RBBP5: variants seen among roughly 807,000 people sequenced by gnomAD.
RBBP5 encodes the protein RB binding protein 5, histone lysine methyltransferase complex subunit, also known as retinoblastoma-binding protein 5.
A neutral mutation model predicts 72.2 loss-of-function variants in RBBP5; 5 were observed. That is an observed-to-expected ratio of 0.07 (90% CI 0.04 to 0.15). The LOEUF (loss-of-function observed/expected upper bound fraction) is 0.15, where lower values mean the gene tolerates loss of function less well. RBBP5 is among the 10% of genes least tolerant of loss of function. The probability of loss-of-function intolerance (pLI) is 1.00; values close to 1 mark genes in which losing one functional copy is unlikely to be tolerated. For synonymous variants in RBBP5, 209 were observed against 237.2 expected (o/e 0.88, Z 1.09); for missense variants, 322 against 652.2 (o/e 0.49, Z 5.51).
At chr1:205,102,060 C>T (rs1293689105) in intron 5 of RBBP5, among the ~76,000 whole-genome samples, 1 of 152,094 alleles carries the variant, frequency 6.6e-6, no homozygotes, top group East Asian at 1.9e-4. Context: ...CGACGCCTGG[C>T]TAATTTTGTA....
intron 1 of RBBP5, among the ~76,000 whole-genome samples, chr1:205,120,935 A>G (rs1656713192): frequency 6.7e-6 from 1 of 148,784 alleles, no homozygotes; most frequent in African/African-American, 2.6e-5. Context: ...GCCTGCCTAC[A>G]TTCTGCAATA....
intron 1 of RBBP5, chr1:205,116,245 A>G: frequency 2.6e-6 from 1 of 386,400 alleles, no homozygotes; most frequent in South Asian, 2.2e-5. Context: ...TTTGAAAACA[A>G]AATAACTACT....
At chr1:205,113,684 G>GT (rs1656406712) in intron 3 of RBBP5, among the ~76,000 whole-genome samples, 1 of 88,494 alleles carries the variant, frequency 1.1e-5, no homozygotes, top group East Asian at 3.3e-4. Flanking sequence ...ATAAAAATGT[G>GT]TATTTTTTTT....
At chr1:205,097,224 A>T in intron 11 of RBBP5, 102 bp downstream of exon 11, 1 of 1,130,096 alleles carries the variant, frequency 8.8e-7, no homozygotes, top group South Asian at 1.4e-5. Flanking sequence ...TTTAGCTAAT[A>T]AGCAGACGGG....
intron 5 of RBBP5, among the ~76,000 whole-genome samples, chr1:205,102,722 G>A (rs1308112243): frequency 1.3e-5 from 2 of 152,072 alleles, no homozygotes; most frequent in Non-Finnish European, 2.9e-5. Flanking sequence ...GGCCAGGCGC[G>A]GTGGTTCACA....
At position 205,086,660 on chromosome 1, in the gene RBBP5, A is replaced by G. The variant is rs1366456045; in HGVS notation, c.*2127T>C. ...ATTGAAATGGATAGAAGGTTTTTTAAAAGTTGAAAAAAAAATTCCAAAAAC... is the reference window on the plus strand; with the variant it reads ...ATTGAAATGGATAGAAGGTTTTTTAGAAGTTGAAAAAAAAATTCCAAAAAC... On this transcript the variant is annotated 3_prime_UTR_variant, in exon 14 of 14. Coordinates refer to ENST00000264515, the MANE Select transcript of RBBP5 (RefSeq NM_005057.4). The G allele has an allele frequency of 2.0e-5, 3 of 152,208 alleles. No individual in the cohort carries two copies. The highest frequency in any genetic ancestry group is 7.2e-5 in the African/African-American group (3 of 41,444). The allele number at this position is 152,208 out of a possible 1,614,324, so 9.4% of individuals were successfully genotyped here.
chr1:205,100,423 A>C, intron 6 of RBBP5, 152 bp from the exon 7 acceptor site: 2 of 1,002,468 alleles, frequency 2.0e-6, no homozygotes, highest in Non-Finnish European at 2.8e-6. Flanking sequence ...AAACCAAAAT[A>C]CAATTTTAAG....
intron 3 of RBBP5, among the ~76,000 whole-genome samples, chr1:205,106,254 T>C (rs1183274737): frequency 6.6e-6 from 1 of 152,160 alleles, no homozygotes; most frequent in Admixed American, 6.5e-5. Context: ...GTACACTCCA[T>C]TTCCCTGTGC....
intron 6 of RBBP5, 67 bp from the exon 7 acceptor site, chr1:205,100,338 T>G (rs987149692): frequency 2.6e-6 from 4 of 1,549,370 alleles, no homozygotes; most frequent in African/African-American, 1.4e-5. Flanking sequence ...ACAAAACGAC[T>G]AATAAACTAG....
intron 1 of RBBP5, among the ~76,000 whole-genome samples, chr1:205,120,531 G>A (rs759479531): frequency 5.9e-5 from 9 of 152,068 alleles, no homozygotes; most frequent in Non-Finnish European, 1.0e-4. Flanking sequence ...ACTTAAGGCC[G>A]GACACTTTGG....
At chr1:205,096,092 C>A (rs1655604745) in intron 12 of RBBP5, among the ~76,000 whole-genome samples, 1 of 152,078 alleles carries the variant, frequency 6.6e-6, no homozygotes, top group African/African-American at 2.4e-5. Context: ...ACTCGGGAGG[C>A]TGAGGCAGGA....
intron 12 of RBBP5, among the ~76,000 whole-genome samples, chr1:205,095,884 T>C (rs750549228): frequency 2.6e-5 from 4 of 152,188 alleles, no homozygotes; most frequent in Non-Finnish European, 5.9e-5. Context: ...AAATGTGATC[T>C]GCAGTTAGCT....
chr1:205,093,554 A>G (rs548089654), intron 13 of RBBP5, among the ~76,000 whole-genome samples: 56 of 123,426 alleles, frequency 4.5e-4, no homozygotes, highest in Middle Eastern at 7.6e-3. Flanking sequence ...ACACACACAC[A>G]CACACACACA....
rs1262824941 is a variant in RBBP5, at chr1:205,121,956, G to T, written c.-83C>A. 1.3e-6 allele frequency: 2 copies of T among 1,587,838 alleles called. No individual in the cohort carries two copies. The highest frequency in any genetic ancestry group is 1.7e-5 in the Admixed American group (1 of 58,978). The stretch of plus-strand genomic sequence containing the variant: ...GGCTTCAGCAACTTGCGTCTAAGTG[G>T]TGGACGCCGCGAAGAGACTGGCGCA... On this transcript the variant is annotated 5_prime_UTR_variant, in exon 1 of 14. Transcript: ENST00000264515.
In RBBP5 at chr1:205,116,490, T is replaced by G. The variant is rs780202420; in HGVS notation, c.20-607A>C. On this transcript the variant is annotated intron_variant, in intron 1 of 13. Coordinates refer to ENST00000264515, the MANE Select transcript of RBBP5 (RefSeq NM_005057.4). ...AACAGTCTTTCTCCATCACACCTTT[T>G]GGGCATTTCACAATTTATTTCCAAA... Among the ~76,000 whole-genome samples the G allele has an allele frequency of 7.9e-4, 121 of 152,308 alleles. No individual in the cohort carries two copies. The Middle Eastern group carries it at 0.01, about 13-fold the overall frequency.
At chr1:205,101,051 G>A (rs892630999) in intron 6 of RBBP5, among the ~76,000 whole-genome samples, 12 of 152,164 alleles carry the variant, frequency 7.9e-5, no homozygotes, top group Admixed American at 6.5e-4. Context: ...CCAGCTGTGT[G>A]GCAGGGTTCC....
chr1:205,104,125 C>A, intron 4 of RBBP5, 106 bp from the exon 5 acceptor site: 1 of 1,208,916 alleles, frequency 8.3e-7, no homozygotes, highest in Non-Finnish European at 1.1e-6. Context: ...ATTCTCCCAC[C>A]CAAGCAAATT....
At chr1:205,107,379 ATGAT>A (rs1307735000) in intron 3 of RBBP5, among the ~76,000 whole-genome samples, 1 of 152,200 alleles carries the variant, frequency 6.6e-6, no homozygotes, top group Non-Finnish European at 1.5e-5. Flanking sequence ...CAAGAGAAAA[ATGAT>A]GCCTTATCTA....
At chr1:205,116,030 C>T in intron 1 of RBBP5, 147 bp from the exon 2 acceptor site, 3 of 1,519,484 alleles carry the variant, frequency 2.0e-6, no homozygotes, top group South Asian at 2.3e-5. Flanking sequence ...TACGGATTTT[C>T]AAGATCCTGC....
Sources: allele counts gnomAD v4.1 joint callset (sites outside exome capture counted in the v4.1 genomes callset), GRCh38; gene constraint gnomAD v4.1.1; transcripts MANE v1.5; gene names NCBI Gene and HGNC (gene_info 2026-07-23, HGNC 2026-07-21).